GMPR: variants seen among roughly 807,000 people sequenced by gnomAD.
GMPR encodes guanosine monophosphate reductase.
A neutral mutation model predicts 38.4 loss-of-function variants in GMPR; 31 were observed. That is an observed-to-expected ratio of 0.81 (90% CI 0.61 to 1.09). The LOEUF (loss-of-function observed/expected upper bound fraction) is 1.09, where lower values mean the gene tolerates loss of function less well. GMPR is among the 50% of genes least tolerant of loss of function. The probability of loss-of-function intolerance (pLI) is 0.00; values close to 1 mark genes in which losing one functional copy is unlikely to be tolerated. For synonymous variants in GMPR, 162 were observed against 173.3 expected, an observed-to-expected ratio of 0.93 and a Z score of 0.51; for missense variants, 468 against 453.7, an observed-to-expected ratio of 1.03 and a Z score of -0.29.
At chr6:16,266,877 G>T (rs1311582945) in intron 4 of GMPR, among the ~76,000 whole-genome samples, 1 of 151,662 alleles carries the variant, frequency 6.6e-6, no homozygotes, top group Non-Finnish European at 1.5e-5. Flanking sequence ...CGAACCGTCC[G>T]GGAGGAACGA....
At chr6:16,283,445 G>A (rs1322294388) in intron 6 of GMPR, among the ~76,000 whole-genome samples, 1 of 152,194 alleles carries the variant, frequency 6.6e-6, no homozygotes, top group African/African-American at 2.4e-5. Flanking sequence ...AGACTGCCAT[G>A]TCTGTCCTAA....
Position 16,288,035 on chromosome 6 carries a change from C to A in GMPR, c.697+2200C>A, listed in dbSNP as rs565233967. On this transcript the variant is annotated intron_variant, in intron 7 of 8. Transcript: ENST00000259727. The stretch of plus-strand genomic sequence containing the variant: ...ATCTGCGCCCTGCTACTGTCTTGTT[C>A]TGTTCTAAAGGTAAACCCTCAGTAG... 7.4e-4 allele frequency among the ~76,000 whole-genome samples: 113 copies of A among 152,342 alleles called. No individual in the cohort carries two copies. The Middle Eastern group carries it at 0.02, about 28-fold the overall frequency.
intron 8 of GMPR, among the ~76,000 whole-genome samples, chr6:16,293,016 G>GTC (rs58570071): frequency 0.17 from 26,059 of 149,786 alleles, 2,764 homozygotes; most frequent in East Asian, 0.58. Flanking sequence ...CTCTGTCTGA[G>GTC]TCTCTCTCTC....
chr6:16,289,057 T>TA (rs1561835636), intron 7 of GMPR, among the ~76,000 whole-genome samples: 1 of 152,200 alleles, frequency 6.6e-6, no homozygotes, highest in Non-Finnish European at 1.5e-5. Flanking sequence ...CTGGCTCCTT[T>TA]TCTTTGGGAG....
intron 4 of GMPR, among the ~76,000 whole-genome samples, chr6:16,264,726 CAGG>C (rs1042008426): frequency 6.6e-5 from 10 of 151,990 alleles, no homozygotes; most frequent in African/African-American, 2.4e-4. Flanking sequence ...CAGGATGAGC[CAGG>C]AGAAGGAATT....
intron 3 of GMPR, 65 bp from the exon 4 acceptor site, chr6:16,254,497 G>T (rs1260749555): frequency 1.4e-6 from 2 of 1,379,792 alleles, no homozygotes; most frequent in Non-Finnish European, 1.0e-6. Flanking sequence ...GTGCATAAAT[G>T]GGGGCAGGGT....
chr6:16,286,760 C>T (rs1250191329), intron 7 of GMPR, among the ~76,000 whole-genome samples: 1 of 151,490 alleles, frequency 6.6e-6, no homozygotes, highest in African/African-American at 2.4e-5. Context: ...AAAAAAAATA[C>T]CGGGGTGTGG....
At chr6:16,278,940 T>A (rs1759527302) in intron 6 of GMPR, 50 bp downstream of exon 6, 2 of 1,113,028 alleles carry the variant, frequency 1.8e-6, no homozygotes, top group Admixed American at 1.8e-5. Context: ...AGGCCCCTGC[T>A]CCCTCGCTGC....
At chr6:16,266,302 C>T (rs1032921123) in intron 4 of GMPR, among the ~76,000 whole-genome samples, 9 of 151,664 alleles carry the variant, frequency 5.9e-5, no homozygotes, top group Non-Finnish European at 1.0e-4. Flanking sequence ...CAGTGTAGAC[C>T]ATGAACCCAC....
At chr6:16,260,824 G>C (rs1472670301) in intron 4 of GMPR, among the ~76,000 whole-genome samples, 2 of 151,956 alleles carry the variant, frequency 1.3e-5, no homozygotes, top group East Asian at 3.8e-4. Context: ...GGATCAGAGA[G>C]ATACAGTCAT....
chr6:16,268,096 TA>T (rs1759303153), intron 4 of GMPR, among the ~76,000 whole-genome samples: 1 of 152,194 alleles, frequency 6.6e-6, no homozygotes, highest in Admixed American at 6.5e-5. Context: ...AAGGGGTGTG[TA>T]TGGCTGAGAG....
chr6:16,260,184 G>A (rs561665054), intron 4 of GMPR, among the ~76,000 whole-genome samples: 1 of 152,116 alleles, frequency 6.6e-6, no homozygotes, highest in South Asian at 2.1e-4. Flanking sequence ...GCTGAGCTTG[G>A]TGAAGTGTGT....
chr6:16,265,179 C>A (rs1759168855), intron 4 of GMPR, among the ~76,000 whole-genome samples: 1 of 152,216 alleles, frequency 6.6e-6, no homozygotes, highest in South Asian at 2.1e-4. Context: ...TCTCAAACTC[C>A]TGACTTCAAG....
At chr6:16,268,304 G>C (rs182249456) in intron 4 of GMPR, among the ~76,000 whole-genome samples, 1 of 152,276 alleles carries the variant, frequency 6.6e-6, no homozygotes, top group African/African-American at 2.4e-5. Flanking sequence ...CAGTCACTGG[G>C]GTTGATACTC....
intron 7 of GMPR, chr6:16,289,804 A>G (rs984564579): frequency 1.0e-4 from 15 of 147,762 alleles, no homozygotes; most frequent in Admixed American, 4.1e-4. Flanking sequence ...GAGTCATAGC[A>G]TTAAGTACAA....
At chr6:16,289,323 C>T (rs551688795) in intron 7 of GMPR, among the ~76,000 whole-genome samples, 15 of 152,338 alleles carry the variant, frequency 9.8e-5, no homozygotes, top group South Asian at 8.3e-4. Flanking sequence ...AACACAGTAG[C>T]AGTTCCTTAG....
At chr6:16,239,129 A>G (rs917917842) in intron 1 of GMPR, among the ~76,000 whole-genome samples, 32 of 152,296 alleles carry the variant, frequency 2.1e-4, no homozygotes, top group African/African-American at 7.5e-4. Flanking sequence ...GAGCTAGGGG[A>G]GAGAGGACGA....
intron 1 of GMPR, among the ~76,000 whole-genome samples, chr6:16,242,082 T>G (rs1039912062): frequency 3.3e-5 from 5 of 152,146 alleles, no homozygotes; most frequent in Admixed American, 6.6e-5. Flanking sequence ...CCTAAAAAAC[T>G]TATTAATAAA....
chr6:16,288,297 G>A (rs1374377040), intron 7 of GMPR, among the ~76,000 whole-genome samples: 2 of 152,246 alleles, frequency 1.3e-5, no homozygotes, highest in Non-Finnish European at 2.9e-5. Flanking sequence ...AGGCGCTTGC[G>A]GGCCAGCTGG....
Sources: allele counts gnomAD v4.1 joint callset (sites outside exome capture counted in the v4.1 genomes callset), GRCh38; gene constraint gnomAD v4.1.1; transcripts MANE v1.5; gene names NCBI Gene and HGNC (gene_info 2026-07-23, HGNC 2026-07-21).